Variants in ADHFE1 observed in about 807,000 individuals in gnomAD.
ADHFE1 encodes the protein alcohol dehydrogenase iron containing 1.
Under a neutral mutation model 54.8 loss-of-function variants are expected in ADHFE1, and 37 were observed. The observed-to-expected ratio is 0.68, with a 90% CI of 0.52 to 0.89. The LOEUF is 0.89. Ranked by LOEUF, ADHFE1 falls within the 40% of genes least tolerant of loss-of-function variation. The pLI, the probability that ADHFE1 is intolerant of heterozygous loss-of-function variation, is 0.00. For synonymous variants in ADHFE1, 203 were observed against 229.3 expected (o/e 0.89, Z 1.04); for missense variants, 601 against 591.2 (o/e 1.02, Z -0.17).
intron 1 of ADHFE1, among the ~76,000 whole-genome samples, chr8:66,436,024 T>G (rs2555579): frequency 0.15 from 23,441 of 151,578 alleles, 2,021 homozygotes; most frequent in Middle Eastern, 0.21. Context: ...CGAGCGATTC[T>G]TCTGCCTCAG....
chr8:66,462,539 A>G (rs538170713), intron 13 of ADHFE1, among the ~76,000 whole-genome samples: 1 of 152,354 alleles, frequency 6.6e-6, no homozygotes, highest in East Asian at 1.9e-4. Context: ...GATATGAGCC[A>G]CAGTGCCTGG....
At chr8:66,448,258 T>C (rs1295794142) in intron 7 of ADHFE1, among the ~76,000 whole-genome samples, 3 of 152,236 alleles carry the variant, frequency 2.0e-5, no homozygotes. Flanking sequence ...TAACTTTTCT[T>C]TTTAAAATTA....
At chr8:66,458,831 T>G (rs999764032) in intron 12 of ADHFE1, among the ~76,000 whole-genome samples, 3 of 152,234 alleles carry the variant, frequency 2.0e-5, no homozygotes, top group Non-Finnish European at 4.4e-5. Flanking sequence ...CTGTAACACT[T>G]CATAGGAAAA....
chr8:66,441,849 G>A (rs970714913), intron 2 of ADHFE1, among the ~76,000 whole-genome samples: 4 of 151,888 alleles, frequency 2.6e-5, no homozygotes, highest in Non-Finnish European at 5.9e-5. Context: ...GTACACGCCT[G>A]TAGTCCCAGC....
intron 8 of ADHFE1, among the ~76,000 whole-genome samples, chr8:66,450,012 A>G (rs1226758975): frequency 3.9e-5 from 6 of 152,190 alleles, no homozygotes; most frequent in African/African-American, 1.4e-4. Flanking sequence ...ACATCCCTGT[A>G]CAGTGACTGT....
At chr8:66,433,855 A>G (rs1259182707) in intron 1 of ADHFE1, among the ~76,000 whole-genome samples, 1 of 152,256 alleles carries the variant, frequency 6.6e-6, no homozygotes, top group Non-Finnish European at 1.5e-5. Context: ...AAAATACTAA[A>G]GCTGTGTTCA....
In ADHFE1 at chr8:66,445,360, GC is replaced by G. The variant is rs1323475344; in HGVS notation, c.501del (p.Ile168LeufsTer14). On this transcript the variant is annotated frameshift_variant, in exon 6 of 14. Transcript: ENST00000396623. LOFTEE classifies it high-confidence loss of function. Reference protein sequence around the residue: ...PHSDFLDYVSAPIGKGKPVSV... With the variant: ...PHSDFLDYVSXPIGKGKPVSV... ...TTCTGATTTCCTAGATTATGTCAGT[GC>G]CCCCATTGGCAAGGGAAAGCCTGTG... The G allele has an allele frequency of 6.2e-7, 1 of 1,613,886 alleles. No homozygotes were observed. The highest frequency in any genetic ancestry group is 8.5e-7 in the Non-Finnish European group (1 of 1,180,006).
chr8:66,452,431 C>T (rs1228183351), intron 9 of ADHFE1, among the ~76,000 whole-genome samples: 1 of 152,230 alleles, frequency 6.6e-6, no homozygotes, highest in African/African-American at 2.4e-5. Context: ...CTATGCCCAT[C>T]CAGGCCCTGT....
At chr8:66,454,004 C>T in intron 9 of ADHFE1, 55 bp from the exon 10 acceptor site, 2 of 1,595,460 alleles carry the variant, frequency 1.3e-6, no homozygotes, top group Non-Finnish European at 1.7e-6. Context: ...GCTCCTTATT[C>T]TGTAGGAATT....
Position 66,460,123 on chromosome 8 carries a change from A to G in ADHFE1, c.1163-185A>G, listed in dbSNP as rs61201861. On this transcript the variant is annotated intron_variant, in intron 12 of 13. Coordinates refer to ENST00000396623, the MANE Select transcript of ADHFE1 (RefSeq NM_144650.3). ...TGTAGGACTTGGCAGCCCCTCCGAA[A>G]TGTCAGAGCTAAGTGAGCTCCCCCA... 3.8e-3 allele frequency: 2,463 copies of G among 653,118 alleles called. 37 individuals are homozygous for G. In the African/African-American group the frequency reaches 0.042, roughly 11 times the overall value. 40.5% of individuals were successfully genotyped at this position (653,118 alleles called of 1,614,324 possible).
At chr8:66,455,583 C>G (rs759722240) in intron 10 of ADHFE1, among the ~76,000 whole-genome samples, 1 of 152,194 alleles carries the variant, frequency 6.6e-6, no homozygotes, top group Non-Finnish European at 1.5e-5. Context: ...AATATTTATG[C>G]CCCTGGCCCC....
intron 1 of ADHFE1, among the ~76,000 whole-genome samples, chr8:66,437,866 G>T (rs1805546471): frequency 6.6e-6 from 1 of 152,196 alleles, no homozygotes; most frequent in African/African-American, 2.4e-5. Context: ...CTCAGGGAAG[G>T]CTGCCCAGGG....
At chr8:66,437,975 A>G (rs186691198) in intron 1 of ADHFE1, among the ~76,000 whole-genome samples, 11 of 152,342 alleles carry the variant, frequency 7.2e-5, no homozygotes. Flanking sequence ...GAGGAGAGAG[A>G]GAGACTGTGG....
At chr8:66,467,395 C>T (rs540719897) in intron 13 of ADHFE1, among the ~76,000 whole-genome samples, 4 of 152,092 alleles carry the variant, frequency 2.6e-5, no homozygotes, top group East Asian at 1.9e-4. Flanking sequence ...CCAGTATCCC[C>T]CTCCCCACCA....
chr8:66,445,151 A>G, intron 5 of ADHFE1, 67 bp from the exon 6 acceptor site: 1 of 1,410,972 alleles, frequency 7.1e-7, no homozygotes, highest in Non-Finnish European at 9.5e-7. Context: ...CCCAAGCCTT[A>G]GTTAATGGCA....
rs72652749 is a variant in ADHFE1, at chr8:66,445,930, G to C, written c.550+516G>C. ...CTCTGTGGCTACCCAGGGCACAGAC[G>C]TACAAATCCAAATCAGAATAGCTCA... On this transcript the variant is annotated intron_variant, in intron 6 of 13. Transcript: ENST00000396623. Among the ~76,000 whole-genome samples, 925 of 152,338 alleles carry C rather than the reference G, an allele frequency of 6.1e-3. 7 individuals are homozygous for C. The highest frequency in any genetic ancestry group is 0.027 in the Middle Eastern group (8 of 294).
At chr8:66,448,288 A>G (rs981393170) in intron 7 of ADHFE1, among the ~76,000 whole-genome samples, 2 of 152,188 alleles carry the variant, frequency 1.3e-5, no homozygotes, top group African/African-American at 4.8e-5. Context: ...ATCCTTTGAC[A>G]TTTCTTAAGT....
intron 7 of ADHFE1, among the ~76,000 whole-genome samples, chr8:66,447,824 G>A (rs1806108380): frequency 6.6e-6 from 1 of 152,148 alleles, no homozygotes; most frequent in South Asian, 2.1e-4. Context: ...GCCATTCTCT[G>A]CCCAAGTTAC....
Position 66,448,925 on chromosome 8 carries a change from A to G in ADHFE1, c.689A>G (p.His230Arg). ...CTGATTGATCCTCTGCACACCCTCC[A>G]CATGCCTGCCCGAGTGGTCGCCAAC... ...LGLIDPLHTL[H>R]MPARVVANSG... Residue 230 changes from histidine to arginine, a missense_variant, in exon 8 of 14, where the codon CAC (histidine) becomes CGC (arginine). Physicochemically the swap from His to Arg is conservative, Grantham distance 29. Coordinates refer to ENST00000396623, the MANE Select transcript of ADHFE1 (RefSeq NM_144650.3). The G allele has an allele frequency of 6.2e-7, 1 of 1,614,126 alleles. No homozygotes were observed. Among genetic ancestry groups the G allele is most frequent in the Non-Finnish European group, 8.5e-7 (1 of 1,180,030 alleles).
Sources: gnomAD v4.1 joint callset for allele counts (sites outside exome capture counted in the v4.1 genomes callset) on GRCh38, gnomAD v4.1.1 for gene constraint, MANE v1.5 for transcripts, NCBI Gene and HGNC (gene_info 2026-07-23, HGNC 2026-07-21) for gene names.